The following NAV3 variants were observed in gnomAD, a reference collection of about 807,000 sequenced individuals.
NAV3 encodes neuron navigator 3.
In NAV3, 87 loss-of-function variants were observed where a neutral mutation model predicts 244.7. That is an observed-to-expected ratio of 0.36 (90% CI 0.30 to 0.42). The LOEUF (loss-of-function observed/expected upper bound fraction) is 0.42, where lower values mean the gene tolerates loss of function less well. Among genes scored for constraint, NAV3 ranks in the 20% least tolerant of loss-of-function variants. The pLI, the probability that NAV3 is intolerant of heterozygous loss-of-function variation, is 1.00. For synonymous variants in NAV3, 1,126 were observed against 1,042.2 expected (o/e 1.08, Z -1.55); for missense variants, 2,663 against 2,893.3 (o/e 0.92, Z 1.83).
chr12:77,758,063 G>A (rs980939445), intron 2 of NAV3, among the ~76,000 whole-genome samples: 1 of 152,140 alleles, frequency 6.6e-6, no homozygotes, highest in African/African-American at 2.4e-5. Flanking sequence ...TCCAGGCTTG[G>A]TGTCTTGGCC....
intron 2 of NAV3, among the ~76,000 whole-genome samples, chr12:77,825,168 A>G (rs1872923274): frequency 6.6e-6 from 1 of 152,324 alleles, no homozygotes; most frequent in African/African-American, 2.4e-5. Context: ...TTAGCCAAAC[A>G]AAAGCTGAGA....
At chr12:77,697,648 A>G (rs1282236239) in intron 2 of NAV3, among the ~76,000 whole-genome samples, 2 of 152,188 alleles carry the variant, frequency 1.3e-5, no homozygotes, top group East Asian at 1.9e-4. Flanking sequence ...TCATGCATTA[A>G]GATTTTAGTA....
intron 2 of NAV3, among the ~76,000 whole-genome samples, chr12:77,692,125 A>C (rs566252332): frequency 6.6e-6 from 1 of 152,144 alleles, no homozygotes; most frequent in South Asian, 2.1e-4. Context: ...ATCGTTGTGC[A>C]ATAAACATTG....
intron 1 of NAV3, among the ~76,000 whole-genome samples, chr12:77,900,829 A>G (rs1592943146): frequency 6.6e-6 from 1 of 152,182 alleles, no homozygotes; most frequent in East Asian, 1.9e-4. Flanking sequence ...AAGAGTGTAT[A>G]AGCATTTATA....
chr12:78,116,395 A>G (rs1955379980), intron 12 of NAV3, among the ~76,000 whole-genome samples: 1 of 152,206 alleles, frequency 6.6e-6, no homozygotes, highest in Non-Finnish European at 1.5e-5. Context: ...GGATTTTTAG[A>G]ACAAAGAATA....
At chr12:78,154,752 A>G (rs1957233941) in intron 22 of NAV3, among the ~76,000 whole-genome samples, 1 of 152,026 alleles carries the variant, frequency 6.6e-6, no homozygotes, top group Non-Finnish European at 1.5e-5. Flanking sequence ...TGTCATTAAC[A>G]ACCCCCCTGA....
chr12:77,877,589 A>G (rs1265775013), intron 1 of NAV3, among the ~76,000 whole-genome samples: 1 of 152,170 alleles, frequency 6.6e-6, no homozygotes, highest in Non-Finnish European at 1.5e-5. Context: ...GAAGCAAGAA[A>G]CTGGCTGGTG....
intron 2 of NAV3, among the ~76,000 whole-genome samples, chr12:77,746,671 T>G (rs924405432): frequency 1.3e-5 from 2 of 152,046 alleles, no homozygotes; most frequent in African/African-American, 2.4e-5. Flanking sequence ...AGCTGAACAG[T>G]GGATTTACTG....
chr12:77,666,797 A>G (rs909010534), intron 2 of NAV3, among the ~76,000 whole-genome samples: 2 of 152,166 alleles, frequency 1.3e-5, no homozygotes, highest in Non-Finnish European at 2.9e-5. Context: ...GATTAATCAT[A>G]CTTCTATTGA....
intron 2 of NAV3, among the ~76,000 whole-genome samples, chr12:77,743,693 A>G (rs1339919550): frequency 6.6e-6 from 1 of 151,872 alleles, no homozygotes; most frequent in Non-Finnish European, 1.5e-5. Flanking sequence ...AATGAAAGAA[A>G]CAAGACACCA....
At chr12:78,055,892 T>TA (rs111770061) in intron 11 of NAV3, among the ~76,000 whole-genome samples, 14 of 152,314 alleles carry the variant, frequency 9.2e-5, no homozygotes, top group African/African-American at 3.4e-4. Context: ...ACTAATTTTT[T>TA]AAAAAATGCT....
At chr12:77,671,368 C>T (rs1873964819) in intron 2 of NAV3, among the ~76,000 whole-genome samples, 1 of 152,004 alleles carries the variant, frequency 6.6e-6, no homozygotes, top group Non-Finnish European at 1.5e-5. Flanking sequence ...ATGCAATTCC[C>T]ATCAAAATAC....
At chr12:78,015,865 T>C (rs1420575813) in intron 8 of NAV3, among the ~76,000 whole-genome samples, 1 of 152,152 alleles carries the variant, frequency 6.6e-6, no homozygotes. Flanking sequence ...TCTGGCATTC[T>C]ACTTTAAGAA....
intron 2 of NAV3, among the ~76,000 whole-genome samples, chr12:77,751,454 C>T (rs749247413): frequency 2.4e-4 from 37 of 152,180 alleles, no homozygotes; most frequent in African/African-American, 7.9e-4. Context: ...ATAATGGGGG[C>T]GGTTACCCTC....
At chr12:78,051,205 T>A (rs1882708537) in intron 11 of NAV3, 58 bp downstream of exon 11, 1 of 1,532,148 alleles carries the variant, frequency 6.5e-7, no homozygotes, top group South Asian at 1.2e-5. Context: ...TCTACTATAA[T>A]GCATTCACTA....
chr12:78,030,054 G>A (rs1320641680), intron 9 of NAV3, among the ~76,000 whole-genome samples: 1 of 152,108 alleles, frequency 6.6e-6, no homozygotes, highest in Non-Finnish European at 1.5e-5. Context: ...AGATGCATAT[G>A]AAACATAGGT....
At chr12:78,045,334 C>T (rs1881595899) in intron 9 of NAV3, among the ~76,000 whole-genome samples, 1 of 152,058 alleles carries the variant, frequency 6.6e-6, no homozygotes, top group African/African-American at 2.4e-5. Flanking sequence ...CTTGCTCCAT[C>T]ACACCGGCTG....
intron 5 of NAV3, among the ~76,000 whole-genome samples, chr12:77,987,052 A>G (rs1350850879): frequency 6.6e-6 from 1 of 152,152 alleles, no homozygotes; most frequent in Non-Finnish European, 1.5e-5. Context: ...TTAACCTTTA[A>G]AATTGTTTTG....
At chr12:77,578,065 C>T (rs1209196555) in intron 2 of NAV3, among the ~76,000 whole-genome samples, 3 of 151,990 alleles carry the variant, frequency 2.0e-5, no homozygotes, top group African/African-American at 4.8e-5. Context: ...GAAACTAAGC[C>T]GATTTAAAGA....
Sources: gnomAD v4.1 joint callset for allele counts (sites outside exome capture counted in the v4.1 genomes callset) on GRCh38, gnomAD v4.1.1 for gene constraint, MANE v1.5 for transcripts, NCBI Gene and HGNC (gene_info 2026-07-23, HGNC 2026-07-21) for gene names.